The following GRIN2B variants were observed in gnomAD, a reference collection of about 807,000 sequenced individuals.
GRIN2B encodes the protein glutamate receptor ionotropic, NMDA 2B.
GRIN2B carries 5 observed loss-of-function variants against 114.5 expected under a neutral mutation model. The ratio of observed to expected loss-of-function variants is 0.04; its 90% CI spans 0.02 to 0.09. The LOEUF (loss-of-function observed/expected upper bound fraction) is 0.09. GRIN2B is among the 10% of genes least tolerant of loss of function. The probability of loss-of-function intolerance (pLI) is 1.00; values close to 1 mark genes in which losing one functional copy is unlikely to be tolerated. For missense variants in GRIN2B, 1,108 were observed against 1,943.5 expected, an observed-to-expected ratio of 0.57 and a Z score of 8.08; for synonymous variants, 787 against 745.1, an observed-to-expected ratio of 1.06 and a Z score of -0.92.
chr12:13,825,150 T>C (rs1247705721), intron 3 of GRIN2B, among the ~76,000 whole-genome samples: 1 of 152,038 alleles, frequency 6.6e-6, no homozygotes, highest in African/African-American at 2.4e-5. Context: ...CCAAAATATA[T>C]CCTGAAGGCC....
intron 5 of GRIN2B, among the ~76,000 whole-genome samples, chr12:13,639,142 A>G (rs574097157): frequency 9.2e-4 from 140 of 152,164 alleles, no homozygotes; most frequent in Admixed American, 2.6e-3. Context: ...ATCAAATCCA[A>G]TTGTCTCTAC....
chr12:13,642,994 T>C (rs906583756), intron 5 of GRIN2B, among the ~76,000 whole-genome samples: 1 of 152,298 alleles, frequency 6.6e-6, no homozygotes, highest in South Asian at 2.1e-4. Context: ...CCATCAATTA[T>C]AGCAGCAACC....
At chr12:13,953,968 A>G (rs1225942816) in intron 2 of GRIN2B, among the ~76,000 whole-genome samples, 1 of 152,218 alleles carries the variant, frequency 6.6e-6, no homozygotes, top group Non-Finnish European at 1.5e-5. Flanking sequence ...TGTTTTACTC[A>G]TCAAAATGTG....
In GRIN2B at chr12:13,548,954, C is replaced by T. The variant is rs1246262160; in HGVS notation, c.*13829G>A. The T allele has an allele frequency of 6.6e-6, 1 of 151,894 alleles. No homozygotes were observed. Among genetic ancestry groups the T allele is most frequent in the Non-Finnish European group, 1.5e-5 (1 of 67,994 alleles). 9.4% of individuals were successfully genotyped at this position (151,894 alleles called of 1,614,324 possible). A position where few individuals can be genotyped will look rare whatever the true frequency, so the allele number is the denominator to read the frequency against. On this transcript the variant is annotated 3_prime_UTR_variant, in exon 14 of 14. Coordinates refer to ENST00000609686, the MANE Select transcript of GRIN2B (RefSeq NM_000834.5). ...TCACTCATTCATCTAAGGACTTTTC[C>T]ATCTTCCTACCTCCTCTCCTATCTT... is the stretch of plus-strand genomic sequence containing the variant.
intron 10 of GRIN2B, among the ~76,000 whole-genome samples, chr12:13,590,446 T>G (rs1217488412): frequency 6.6e-6 from 1 of 152,036 alleles, no homozygotes; most frequent in Non-Finnish European, 1.5e-5. Flanking sequence ...TGTCCATGTG[T>G]TCTCATTGCT....
In GRIN2B at chr12:13,558,273, C is replaced by A. The variant is rs1302236753; in HGVS notation, c.*4510G>T. The A allele has an allele frequency of 6.6e-6, 1 of 152,110 alleles. No individual in the cohort carries two copies. Among genetic ancestry groups the A allele is most frequent in the Non-Finnish European group, 1.5e-5 (1 of 68,024 alleles). The allele number at this position is 152,110 out of a possible 1,614,324, so 9.4% of individuals were successfully genotyped here. On this transcript the variant is annotated 3_prime_UTR_variant, in exon 14 of 14. Coordinates refer to ENST00000609686, the MANE Select transcript of GRIN2B (RefSeq NM_000834.5). The stretch of plus-strand genomic sequence containing the variant: ...GCATTCATCAATATCACTGCAGTGA[C>A]ATCATTTATGCACACATCTGAATCA...
chr12:13,911,747 G>GA (rs1481347416), intron 2 of GRIN2B, among the ~76,000 whole-genome samples: 1 of 152,116 alleles, frequency 6.6e-6, no homozygotes, highest in African/African-American at 2.4e-5. Context: ...TCCAGCCCTC[G>GA]CAGAAGGTGG....
At chr12:13,894,225 G>T (rs1199291157) in intron 2 of GRIN2B, among the ~76,000 whole-genome samples, 1 of 152,068 alleles carries the variant, frequency 6.6e-6, no homozygotes, top group Non-Finnish European at 1.5e-5. Flanking sequence ...CAATTTCTGG[G>T]AATCTTTCCT....
intron 3 of GRIN2B, among the ~76,000 whole-genome samples, chr12:13,839,094 A>G (rs1187687051): frequency 6.6e-6 from 1 of 152,150 alleles, no homozygotes; most frequent in Admixed American, 6.5e-5. Context: ...TGTTTATAAC[A>G]CCTACTGATC....
chr12:13,841,031 A>C (rs1372461283), intron 3 of GRIN2B, among the ~76,000 whole-genome samples: 1 of 152,228 alleles, frequency 6.6e-6, no homozygotes, highest in African/African-American at 2.4e-5. Context: ...TTGGAGCAGC[A>C]TGAGATTCCT....
chr12:13,590,442 T>G (rs947824622), intron 10 of GRIN2B, among the ~76,000 whole-genome samples: 1 of 152,252 alleles, frequency 6.6e-6, no homozygotes, highest in South Asian at 2.1e-4. Context: ...CCTGTGTCCA[T>G]GTGTTCTCAT....
At chr12:13,963,876 G>T (rs1000545407) in intron 2 of GRIN2B, among the ~76,000 whole-genome samples, 4 of 152,198 alleles carry the variant, frequency 2.6e-5, no homozygotes, top group Non-Finnish European at 5.9e-5. Context: ...GTAAGGCACT[G>T]CTTGGCACCC....
At chr12:13,923,131 G>A (rs996861368) in intron 2 of GRIN2B, among the ~76,000 whole-genome samples, 1 of 151,344 alleles carries the variant, frequency 6.6e-6, no homozygotes, top group African/African-American at 2.4e-5. Context: ...TATATGAGCT[G>A]CAAAAAAGGC....
intron 2 of GRIN2B, among the ~76,000 whole-genome samples, chr12:13,957,187 C>T (rs944957115): frequency 4.6e-5 from 7 of 152,166 alleles, no homozygotes; most frequent in African/African-American, 1.4e-4. Flanking sequence ...CTGTTGCTTC[C>T]ACTGGACTCG....
Position 13,977,247 on chromosome 12 carries a change from T to C in GRIN2B, c.-19+2681A>G, listed in dbSNP as rs535949065. 80 of 152,272 alleles carry C rather than the reference T, an allele frequency of 5.3e-4. 1 individual carries two copies. Among genetic ancestry groups the C allele is most frequent in the African/African-American group, 1.9e-3 (78 of 41,544 alleles). 9.4% of individuals were successfully genotyped at this position (152,272 alleles called of 1,614,324 possible). ...ATTGCATATATACATTAGCAAAGCA[T>C]GGATCTTCAGACAGACAGGCTTCCT... On this transcript the variant is annotated intron_variant, in intron 2 of 13. Coordinates refer to ENST00000609686, the MANE Select transcript of GRIN2B (RefSeq NM_000834.5).
intron 4 of GRIN2B, among the ~76,000 whole-genome samples, chr12:13,735,021 T>C (rs1228076397): frequency 3.3e-5 from 5 of 152,172 alleles, no homozygotes; most frequent in African/African-American, 1.2e-4. Context: ...TTAAATAAGA[T>C]AAGCCCAATT....
chr12:13,840,969 T>G (rs191183181), intron 3 of GRIN2B, among the ~76,000 whole-genome samples: 47 of 152,340 alleles, frequency 3.1e-4, no homozygotes, highest in African/African-American at 1.1e-3. Context: ...TAACGCCCTA[T>G]AGCCATGTGT....
intron 3 of GRIN2B, among the ~76,000 whole-genome samples, chr12:13,806,104 C>G (rs892183681): frequency 2.0e-5 from 3 of 152,092 alleles, no homozygotes; most frequent in Non-Finnish European, 4.4e-5. Flanking sequence ...TATATACACA[C>G]CACATTTTCT....
intron 5 of GRIN2B, among the ~76,000 whole-genome samples, chr12:13,675,105 T>C (rs1950060135): frequency 6.6e-6 from 1 of 152,192 alleles, no homozygotes; most frequent in African/African-American, 2.4e-5. Flanking sequence ...CTAAATACTT[T>C]ACGTATACTT....
Sources: allele counts gnomAD v4.1 joint callset (sites outside exome capture counted in the v4.1 genomes callset), GRCh38; gene constraint gnomAD v4.1.1; transcripts MANE v1.5; gene names NCBI Gene and HGNC (gene_info 2026-07-23, HGNC 2026-07-21).